DIP2C: variants seen among roughly 807,000 people sequenced by gnomAD.
The protein encoded by DIP2C is disco-interacting protein 2 homolog C.
A neutral mutation model predicts 192.4 loss-of-function variants in DIP2C; 33 were observed. That is an observed-to-expected ratio of 0.17 (90% CI 0.13 to 0.23). The LOEUF (loss-of-function observed/expected upper bound fraction) is 0.23. DIP2C is among the 10% of genes least tolerant of loss of function. The pLI is 1.00. For synonymous variants in DIP2C, 979 were observed against 864.1 expected (o/e 1.13, Z -2.33); for missense variants, 1,537 against 2,110.1 (o/e 0.73, Z 5.32).
At chr10:338,317 A>G (rs954464675) in intron 29 of DIP2C, among the ~76,000 whole-genome samples, 8 of 152,224 alleles carry the variant, frequency 5.3e-5, no homozygotes, top group African/African-American at 1.7e-4. Context: ...AATAGTGTGC[A>G]GTCGTGTCCT....
At chr10:348,547 A>T in intron 26 of DIP2C, 94 bp downstream of exon 26, 1 of 1,539,824 alleles carries the variant, frequency 6.5e-7, no homozygotes, top group Non-Finnish European at 8.7e-7. Context: ...TTCCACAGCC[A>T]GCAGCTGCCC....
intron 1 of DIP2C, among the ~76,000 whole-genome samples, chr10:577,912 G>A (rs1850276912): frequency 1.3e-5 from 2 of 151,802 alleles, no homozygotes; most frequent in South Asian, 2.1e-4. Context: ...GGTAGAACCT[G>A]GAATTTACCT....
intron 1 of DIP2C, among the ~76,000 whole-genome samples, chr10:533,150 A>G (rs1338524297): frequency 1.3e-5 from 2 of 152,140 alleles, no homozygotes; most frequent in Non-Finnish European, 2.9e-5. Context: ...AGTATCTAAG[A>G]AAGTGTCAGA....
intron 29 of DIP2C, among the ~76,000 whole-genome samples, chr10:340,276 AT>A (rs1958080099): frequency 6.6e-6 from 1 of 152,006 alleles, no homozygotes; most frequent in South Asian, 2.1e-4. Context: ...ATTAACATAT[AT>A]TTATTCATAA....
chr10:473,450 C>T (rs528042947), intron 2 of DIP2C, among the ~76,000 whole-genome samples: 8 of 151,818 alleles, frequency 5.3e-5, no homozygotes, highest in African/African-American at 1.7e-4. Flanking sequence ...GGACGTCATC[C>T]TATGTCATCC....
At chr10:557,645 G>A (rs1848948538) in intron 1 of DIP2C, among the ~76,000 whole-genome samples, 1 of 110,474 alleles carries the variant, frequency 9.1e-6, no homozygotes, top group South Asian at 3.8e-4. Flanking sequence ...AATACAGGGT[G>A]GTGAGTGCAC....
chr10:396,444 AAAGTG>A (rs1488397663), intron 10 of DIP2C, among the ~76,000 whole-genome samples: 2 of 152,220 alleles, frequency 1.3e-5, no homozygotes, highest in Non-Finnish European at 2.9e-5. Context: ...ACAAATTATT[AAAGTG>A]AAGAAAAGAA....
At chr10:453,342 C>G (rs534781543) in intron 3 of DIP2C, among the ~76,000 whole-genome samples, 1 of 152,206 alleles carries the variant, frequency 6.6e-6, no homozygotes, top group East Asian at 1.9e-4. Flanking sequence ...AGGTACCAGG[C>G]AGGATTGCAG....
At chr10:398,550 C>G (rs1964169137) in intron 10 of DIP2C, among the ~76,000 whole-genome samples, 1 of 152,210 alleles carries the variant, frequency 6.6e-6, no homozygotes, top group South Asian at 2.1e-4. Flanking sequence ...GTTCTCAGGA[C>G]CTCCTGAGGC....
chr10:503,898 A>G (rs1845416133), intron 1 of DIP2C, among the ~76,000 whole-genome samples: 1 of 152,192 alleles, frequency 6.6e-6, no homozygotes. Context: ...CTTACCCTAA[A>G]TTTACAACCA....
chr10:668,361 GATACAAC>G (rs1209897072), intron 1 of DIP2C: 2 of 151,142 alleles, frequency 1.3e-5, no homozygotes, highest in Admixed American at 1.3e-4. Flanking sequence ...ACACAACACT[GATACAAC>G]ATACAACACA....
intron 1 of DIP2C, among the ~76,000 whole-genome samples, chr10:596,483 C>T (rs377008962): frequency 1.9e-5 from 2 of 105,464 alleles, no homozygotes; most frequent in African/African-American, 4.0e-5. Flanking sequence ...GCGACCAGTG[C>T]GAAACTCCAT....
intron 1 of DIP2C, among the ~76,000 whole-genome samples, chr10:681,008 G>A (rs1054999921): frequency 6.6e-6 from 1 of 151,456 alleles, no homozygotes; most frequent in African/African-American, 2.4e-5. Context: ...GAAATTCCAA[G>A]GAATGCAGGC....
At chr10:501,368 A>T (rs757073229) in intron 1 of DIP2C, among the ~76,000 whole-genome samples, 2 of 152,210 alleles carry the variant, frequency 1.3e-5, no homozygotes, top group South Asian at 4.1e-4. Context: ...ATGCAGTCCT[A>T]TACTCATTGA....
chr10:578,418 A>C (rs558549537), intron 1 of DIP2C, among the ~76,000 whole-genome samples: 29 of 152,314 alleles, frequency 1.9e-4, no homozygotes, highest in Admixed American at 1.8e-3. Flanking sequence ...GACAGCTGCT[A>C]TATTAGTTCT....
chr10:478,514 C>CA (rs1469012446), intron 2 of DIP2C, among the ~76,000 whole-genome samples: 1 of 151,414 alleles, frequency 6.6e-6, no homozygotes, highest in Non-Finnish European at 1.5e-5. Context: ...ATCTTATTCT[C>CA]ACTCATCCAG....
At chr10:378,102 ATGTC>A (rs1282392310) in intron 17 of DIP2C, among the ~76,000 whole-genome samples, 1 of 152,190 alleles carries the variant, frequency 6.6e-6, no homozygotes, top group Non-Finnish European at 1.5e-5. Context: ...CCTTTAAAAA[ATGTC>A]TGATGAGTTT....
chr10:475,860 G>A (rs1180596822), intron 2 of DIP2C, among the ~76,000 whole-genome samples: 2 of 152,340 alleles, frequency 1.3e-5, no homozygotes, highest in East Asian at 3.9e-4. Flanking sequence ...ACAGGGCCCA[G>A]GGGCAGCAGA....
intron 22 of DIP2C, 41 bp from the exon 23 acceptor site, chr10:357,978 G>C (rs1324144278): frequency 1.3e-6 from 2 of 1,529,940 alleles, no homozygotes; most frequent in South Asian, 1.1e-5. Context: ...AAACAAAAGA[G>C]AAATTCCTTC....
Sources: gnomAD v4.1 joint callset for allele counts (sites outside exome capture counted in the v4.1 genomes callset) on GRCh38, gnomAD v4.1.1 for gene constraint, MANE v1.5 for transcripts, NCBI Gene and HGNC (gene_info 2026-07-23, HGNC 2026-07-21) for gene names.